Variants in TCF25 observed in about 807,000 individuals in gnomAD.
TCF25 encodes ribosome quality control complex subunit TCF25.
TCF25 carries 41 observed loss-of-function variants against 83.1 expected under a neutral mutation model. The ratio of observed to expected loss-of-function variants is 0.49; its 90% CI spans 0.38 to 0.64. The LOEUF (loss-of-function observed/expected upper bound fraction) is 0.64. TCF25 is among the 30% of genes least tolerant of loss of function. TCF25 has a pLI of 0.00. For synonymous variants in TCF25, 458 were observed against 365.0 expected, an observed-to-expected ratio of 1.25 and a Z score of -2.90; for missense variants, 979 against 914.5, an observed-to-expected ratio of 1.07 and a Z score of -0.91.
intron 16 of TCF25, among the ~76,000 whole-genome samples, chr16:89,907,934 T>C (rs1384164271): frequency 2.9e-3 from 48 of 16,414 alleles, no homozygotes; most frequent in African/African-American, 3.2e-3. Context: ...CTCCTCCCAG[T>C]TCCCAGCTCC....
At chr16:89,901,261 C>T (rs1480053898) in intron 12 of TCF25, among the ~76,000 whole-genome samples, 4 of 152,270 alleles carry the variant, frequency 2.6e-5, no homozygotes, top group Admixed American at 6.5e-5. Flanking sequence ...CTTCGATCCA[C>T]GCACATGTGG....
chr16:89,890,818 A>G (rs557797634), intron 5 of TCF25, among the ~76,000 whole-genome samples: 6 of 152,270 alleles, frequency 3.9e-5, no homozygotes, highest in African/African-American at 7.2e-5. Flanking sequence ...TTAGTTGACA[A>G]TAATTGCCTT....
At chr16:89,874,986 A>AT (rs1173314221) in intron 1 of TCF25, 1 of 152,112 alleles carries the variant, frequency 6.6e-6, no homozygotes, top group Non-Finnish European at 1.5e-5. Context: ...AATTTGCTAG[A>AT]TTCACAGCAG....
chr16:89,892,625 C>T (rs550433675), intron 6 of TCF25, among the ~76,000 whole-genome samples: 12 of 152,346 alleles, frequency 7.9e-5, no homozygotes, highest in African/African-American at 2.2e-4. Context: ...ATTCTGCCAT[C>T]GACCTTTCCC....
intron 3 of TCF25, among the ~76,000 whole-genome samples, chr16:89,885,369 C>T (rs957289317): frequency 3.9e-5 from 6 of 152,154 alleles, no homozygotes; most frequent in East Asian, 3.8e-4. Flanking sequence ...TCCTGTGACC[C>T]GTGGGACACT....
chr16:89,910,744 T>C, intron 17 of TCF25, 81 bp downstream of exon 17: 1 of 1,479,884 alleles, frequency 6.8e-7, no homozygotes, highest in Non-Finnish European at 9.4e-7. Flanking sequence ...GGAGCCTCCT[T>C]GAACCAGGAC....
Position 89,883,514 on chromosome 16 carries a change from TG to T in TCF25, c.354+8del. On this transcript the variant is annotated splice_donor_region_variant and intron_variant, in intron 2 of 17. Transcript: ENST00000263346. ...ACCGAGACAGTGCCCTCAGAGCAGG[TG>T]GGGGGCTGAGTGGTGAGGAGGTGGC... is the stretch of plus-strand genomic sequence containing the variant. The T allele has an allele frequency of 1.9e-6, 3 of 1,594,020 alleles. No homozygotes were observed. The highest frequency in any genetic ancestry group is 2.6e-6 in the Non-Finnish European group (3 of 1,171,610).
chr16:89,900,759 TC>T lies in TCF25; in HGVS notation c.1348del (p.Leu450Ter). The T allele has an allele frequency of 6.3e-7, 1 of 1,593,726 alleles. No homozygotes were observed. The highest frequency in any genetic ancestry group is 1.1e-5 in the South Asian group (1 of 90,564). On this transcript the variant is annotated frameshift_variant, in exon 12 of 18. Transcript: ENST00000263346. LOFTEE classifies it high-confidence loss of function. ...AGCTCTGCCAGGCAGAAGGCCTCTCTCCTGATACAGCAGGCGCTCACCATGT... is the reference window on the plus strand; with the variant it reads ...AGCTCTGCCAGGCAGAAGGCCTCTCTCTGATACAGCAGGCGCTCACCATGT... ...EQSSARQKAS[L>X]LIQQALTMFP... is the part of the protein sequence containing the mutation.
chr16:89,908,994 A>T lies in TCF25; in HGVS notation c.1800-1597A>T, dbSNP rs563107876. 3 of 1,289,408 alleles carry T rather than the reference A, an allele frequency of 2.3e-6. No homozygotes were observed. In the African/African-American group the frequency reaches 4.6e-5, roughly 20 times the overall value. The allele number at this position is 1,289,408 out of a possible 1,614,324, so 79.9% of individuals were successfully genotyped here. A position where few individuals can be genotyped will look rare whatever the true frequency, so the allele number is the denominator to read the frequency against. On this transcript the variant is annotated intron_variant, in intron 16 of 17. Transcript: ENST00000263346. Reference sequence around the variant, plus strand: ...GGGAGAGGAGGAGAGGAACAGTGTTATTTGGGGGTCACAGCTCTGCGTTTG... The same window carrying T: ...GGGAGAGGAGGAGAGGAACAGTGTTTTTTGGGGGTCACAGCTCTGCGTTTG...
intron 14 of TCF25, 78 bp from the exon 15 acceptor site, chr16:89,906,116 G>T: frequency 1.6e-6 from 2 of 1,268,002 alleles, no homozygotes; most frequent in Non-Finnish European, 2.2e-6. Context: ...GGGTGGGGGT[G>T]GGGGCCGAGG....
chr16:89,891,929 C>T (rs1434000495), intron 5 of TCF25, among the ~76,000 whole-genome samples: 1 of 152,126 alleles, frequency 6.6e-6, no homozygotes, highest in Non-Finnish European at 1.5e-5. Context: ...CTTGGCCTCT[C>T]AAAGTGCTGG....
chr16:89,901,105 A>ACC, intron 12 of TCF25: 1 of 258,990 alleles, frequency 3.9e-6, no homozygotes, highest in Admixed American at 4.6e-5. Flanking sequence ...GCTGGGGAGG[A>ACC]GAGCAAAGCA....
intron 8 of TCF25, 77 bp downstream of exon 8, chr16:89,895,214 G>C (rs536909718): frequency 1.5e-6 from 2 of 1,334,144 alleles, no homozygotes; most frequent in East Asian, 2.4e-5. Flanking sequence ...GATGGTGTAA[G>C]ATGACAGGGG....
At position 89,895,972 on chromosome 16, in the gene TCF25, G is replaced by C; in HGVS notation, c.929-18G>C. 6.2e-7 allele frequency: 1 copy of C among 1,611,202 alleles called. No homozygotes were observed. Among genetic ancestry groups the C allele is most frequent in the Non-Finnish European group, 8.5e-7 (1 of 1,178,058 alleles). ...TGTGTGGCCATGACACCCTCCCCTG[G>C]CGTCCCTGTGCCCACAGAGAGAGCG... On this transcript the variant is annotated intron_variant, in intron 8 of 17. Transcript: ENST00000263346.
intron 1 of TCF25, among the ~76,000 whole-genome samples, chr16:89,877,165 A>T (rs1238683119): frequency 1.3e-5 from 2 of 152,092 alleles, no homozygotes; most frequent in Admixed American, 6.6e-5. Context: ...GTCTATTTCT[A>T]CTTTCAACCC....
intron 5 of TCF25, 83 bp from the exon 6 acceptor site, chr16:89,892,110 G>C: frequency 7.3e-7 from 1 of 1,375,448 alleles, no homozygotes; most frequent in Non-Finnish European, 9.7e-7. Flanking sequence ...TGCTTCCACA[G>C]CCCGTGCAGG....
At chr16:89,900,260 A>ACAGACTCGCGCGGGG (rs1567726813) in intron 11 of TCF25, among the ~76,000 whole-genome samples, 6 of 152,080 alleles carry the variant, frequency 3.9e-5, no homozygotes, top group South Asian at 2.1e-4. Context: ...CTCGCGCGGC[A>ACAGACTCGCGCGGGG]GTGGGCTGCT....
intron 12 of TCF25, among the ~76,000 whole-genome samples, chr16:89,902,781 G>C (rs1382949821): frequency 6.6e-6 from 1 of 152,094 alleles, no homozygotes; most frequent in Middle Eastern, 3.2e-3. Context: ...CTCCTCCGAG[G>C]GGCGGTGAGG....
At position 89,894,363 on chromosome 16, in the gene TCF25, G is replaced by GGACGGCCCCCGCCCAGCCCCA. The variant is rs1567717014; in HGVS notation, c.828+517_828+518insCCAGCCCCAGACGGCCCCCGC. ...CCTGGACAGCTCCCCTTGCAGCCCC[G>GGACGGCCCCCGCCCAGCCCCA]GACGGCCCCCGCGCAGCCCCAGACA... On this transcript the variant is annotated intron_variant, in intron 7 of 17. Coordinates refer to ENST00000263346, the MANE Select transcript of TCF25 (RefSeq NM_014972.3). Among the ~76,000 whole-genome samples, 7 of 149,244 alleles carry GGACGGCCCCCGCCCAGCCCCA rather than the reference G, an allele frequency of 4.7e-5. 1 individual carries two copies. The highest frequency in any genetic ancestry group is 1.8e-4 in the African/African-American group (7 of 39,714).
Sources: allele counts gnomAD v4.1 joint callset (sites outside exome capture counted in the v4.1 genomes callset), GRCh38; gene constraint gnomAD v4.1.1; transcripts MANE v1.5; gene names NCBI Gene and HGNC (gene_info 2026-07-23, HGNC 2026-07-21).